TJP1: variants seen among roughly 807,000 people sequenced by gnomAD.
TJP1 encodes the protein tight junction protein 1.
Under a neutral mutation model 194.2 loss-of-function variants are expected in TJP1, and 43 were observed. That is an observed-to-expected ratio of 0.22 (90% CI 0.17 to 0.29). The LOEUF is 0.29. TJP1 is among the 10% of genes least tolerant of loss of function. The pLI, the probability that TJP1 is intolerant of heterozygous loss-of-function variation, is 1.00. For synonymous variants in TJP1, 801 were observed against 779.0 expected (o/e 1.03, Z -0.47); for missense variants, 1,971 against 2,185.7 (o/e 0.90, Z 1.96).
At chr15:29,736,665 T>C (rs45543234) in intron 11 of TJP1, among the ~76,000 whole-genome samples, 3,532 of 152,316 alleles carry the variant, frequency 0.023, 50 homozygotes, top group South Asian at 0.054. Flanking sequence ...CTCTATAGAC[T>C]CTACTGATAC....
chr15:29,963,572 T>A (rs2056233965), intron 1 of TJP1, among the ~76,000 whole-genome samples: 1 of 152,188 alleles, frequency 6.6e-6, no homozygotes, highest in Non-Finnish European at 1.5e-5. Context: ...CCTTAAATAA[T>A]CACTGAATCA....
At chr15:29,820,441 C>T in intron 1 of TJP1, 1 of 695,758 alleles carries the variant, frequency 1.4e-6, no homozygotes, top group East Asian at 2.7e-5. Context: ...CAAAAAAGTC[C>T]CTACAACGTA....
rs901392532 is a variant in TJP1 at position 29,764,753 on chromosome 15, A to T, written c.589+1513T>A. On this transcript the variant is annotated intron_variant, in intron 5 of 27. Coordinates refer to ENST00000614355, the MANE Select transcript of TJP1 (RefSeq NM_001330239.4). ...GAGAAATACAAAGAAAAATTTTAAG[A>T]GGGAGATGAGTTTCATTTGAGATGT... is the stretch of plus-strand genomic sequence containing the variant. Among the ~76,000 whole-genome samples, 60 of 152,288 alleles carry T rather than the reference A, an allele frequency of 3.9e-4. 1 individual carries two copies. The highest frequency in any genetic ancestry group is 1.3e-3 in the African/African-American group (53 of 41,558).
chr15:29,820,691 C>A, intron 1 of TJP1: 1 of 604,404 alleles, frequency 1.7e-6, no homozygotes, highest in South Asian at 2.1e-5. Context: ...AAGAAAGCCC[C>A]AGAAAAGACA....
chr15:29,964,726 G>T (rs546021970), intron 1 of TJP1, among the ~76,000 whole-genome samples: 2 of 152,332 alleles, frequency 1.3e-5, no homozygotes, highest in South Asian at 4.1e-4. Flanking sequence ...GTCCCCCAAA[G>T]GAAGCCAGCA....
intron 2 of TJP1, among the ~76,000 whole-genome samples, chr15:29,918,190 A>G (rs959205785): frequency 6.6e-6 from 1 of 152,252 alleles, no homozygotes; most frequent in Non-Finnish European, 1.5e-5. Context: ...ATACCACTCT[A>G]TAGTATGAAT....
chr15:29,879,780 C>T (rs2052860055), intron 2 of TJP1, among the ~76,000 whole-genome samples: 1 of 152,088 alleles, frequency 6.6e-6, no homozygotes, highest in Non-Finnish European at 1.5e-5. Flanking sequence ...GGTGTGATCT[C>T]ACCTCACTGT....
chr15:29,789,875 TTTC>T (rs1264897657), intron 2 of TJP1, among the ~76,000 whole-genome samples: 2 of 152,192 alleles, frequency 1.3e-5, no homozygotes, highest in African/African-American at 4.8e-5. Context: ...TTCCTCTGTG[TTTC>T]TTAAAAGTGG....
intron 2 of TJP1, among the ~76,000 whole-genome samples, chr15:29,865,474 A>G (rs536555155): frequency 6.6e-6 from 1 of 152,338 alleles, no homozygotes; most frequent in South Asian, 2.1e-4. Context: ...ACAAGGAAGG[A>G]AAGTTGCCAT....
At chr15:29,954,287 T>C (rs1427341221) in intron 2 of TJP1, among the ~76,000 whole-genome samples, 2 of 152,220 alleles carry the variant, frequency 1.3e-5, no homozygotes, top group African/African-American at 2.4e-5. Flanking sequence ...GTAAAGCTTT[T>C]TGTCTGCTAC....
upstream of TJP1, chr15:29,822,994 C>G (rs1433498758): frequency 6.6e-6 from 1 of 152,304 alleles, no homozygotes; most frequent in East Asian, 1.9e-4. Flanking sequence ...AGAAGCGTTG[C>G]TCTCGTTCAC....
Position 29,791,595 on chromosome 15 carries a change from G to A in TJP1, c.84+9051C>T, listed in dbSNP as rs573077998. Reference sequence around the variant, plus strand: ...ACCACCACGCTCGGCTGGTTTCACCGTGTTAGCCAGGATGGTCTCGATGTC... The same window carrying A: ...ACCACCACGCTCGGCTGGTTTCACCATGTTAGCCAGGATGGTCTCGATGTC... On this transcript the variant is annotated intron_variant, in intron 2 of 27. Transcript: ENST00000614355. Among the ~76,000 whole-genome samples the A allele has an allele frequency of 8.7e-5, 13 of 148,916 alleles. No homozygotes were observed. The East Asian group carries it at 2.1e-3, about 24-fold the overall frequency.
At chr15:29,820,723 A>C (rs2050275196) in intron 1 of TJP1, 2 of 596,116 alleles carry the variant, frequency 3.4e-6, no homozygotes, top group Admixed American at 5.8e-5. Flanking sequence ...CTTATTTTAA[A>C]ACCAAAGCAA....
intron 4 of TJP1, 93 bp from the exon 5 acceptor site, chr15:29,766,635 A>T: frequency 1.6e-6 from 2 of 1,241,958 alleles, no homozygotes. Context: ...TTCTCATCCC[A>T]TATTAACTAT....
chr15:29,717,217 C>G (rs1023298534), intron 22 of TJP1, among the ~76,000 whole-genome samples: 3 of 152,124 alleles, frequency 2.0e-5, no homozygotes, highest in African/African-American at 4.8e-5. Context: ...TAAGAACTTT[C>G]AAAGGGATTT....
intron 2 of TJP1, among the ~76,000 whole-genome samples, chr15:29,875,421 C>T (rs575176444): frequency 6.2e-4 from 95 of 152,304 alleles, no homozygotes; most frequent in Non-Finnish European, 1.2e-3. Context: ...ATTTGCATCC[C>T]CTTTTCCAAC....
chr15:29,933,148 A>G (rs1474297), intron 2 of TJP1, among the ~76,000 whole-genome samples: 48,347 of 152,022 alleles, frequency 0.32, 9,028 homozygotes, highest in East Asian at 0.54. Flanking sequence ...TAATAAATAC[A>G]TATACATAGA....
intron 1 of TJP1, among the ~76,000 whole-genome samples, chr15:29,818,843 A>G (rs2050124654): frequency 6.7e-6 from 1 of 150,064 alleles, no homozygotes; most frequent in African/African-American, 2.5e-5. Flanking sequence ...TTGAGACGGA[A>G]GCTCACTTTG....
intron 2 of TJP1, among the ~76,000 whole-genome samples, chr15:29,924,438 C>T (rs1318276389): frequency 6.6e-6 from 1 of 152,060 alleles, no homozygotes; most frequent in African/African-American, 2.4e-5. Flanking sequence ...ATCAATAAAC[C>T]ATAATATGCC....
Sources: allele counts gnomAD v4.1 joint callset (sites outside exome capture counted in the v4.1 genomes callset), GRCh38; gene constraint gnomAD v4.1.1; transcripts MANE v1.5; gene names NCBI Gene and HGNC (gene_info 2026-07-23, HGNC 2026-07-21).